The following CRIM1 variants were observed in gnomAD, a reference collection of about 807,000 sequenced individuals.
CRIM1 encodes the protein cysteine rich transmembrane BMP regulator 1, also known as cysteine-rich motor neuron 1 protein.
CRIM1 carries 32 observed loss-of-function variants against 116.4 expected under a neutral mutation model. The ratio of observed to expected loss-of-function variants is 0.27; its 90% CI spans 0.21 to 0.37. The LOEUF (loss-of-function observed/expected upper bound fraction) is 0.37, where lower values mean the gene tolerates loss of function less well. Ranked by LOEUF, CRIM1 falls within the 10% of genes least tolerant of loss-of-function variation. The probability of loss-of-function intolerance (pLI) is 1.00; values close to 1 mark genes in which losing one functional copy is unlikely to be tolerated. For missense variants in CRIM1, 1,331 were observed against 1,354.8 expected (o/e 0.98, Z 0.28); for synonymous variants, 590 against 509.2 (o/e 1.16, Z -2.13).
intron 2 of CRIM1, among the ~76,000 whole-genome samples, chr2:36,425,719 C>T (rs1674396490): frequency 6.6e-6 from 1 of 152,132 alleles, no homozygotes; most frequent in Admixed American, 6.5e-5. Context: ...GAGGTGGTGC[C>T]TTCTGATGCA....
At chr2:36,527,911 T>C (rs1301863446) in intron 13 of CRIM1, among the ~76,000 whole-genome samples, 4 of 152,072 alleles carry the variant, frequency 2.6e-5, no homozygotes, top group African/African-American at 9.7e-5. Flanking sequence ...AGAACTTCCC[T>C]TGGAGCCAGA....
intron 5 of CRIM1, among the ~76,000 whole-genome samples, chr2:36,476,305 G>A (rs1024426332): frequency 6.6e-6 from 1 of 152,024 alleles, no homozygotes; most frequent in Non-Finnish European, 1.5e-5. Context: ...TTAAACTCAG[G>A]ATAATAATAC....
chr2:36,535,892 G>A (rs910786225), intron 13 of CRIM1, among the ~76,000 whole-genome samples: 2 of 152,166 alleles, frequency 1.3e-5, no homozygotes, highest in Non-Finnish European at 2.9e-5. Flanking sequence ...ATCTAGAGAT[G>A]GCCTAAAGTA....
intron 8 of CRIM1, among the ~76,000 whole-genome samples, chr2:36,501,046 A>C (rs1417932337): frequency 6.6e-6 from 1 of 152,182 alleles, no homozygotes; most frequent in Non-Finnish European, 1.5e-5. Context: ...AAGAATTTTC[A>C]GTTGTGAATG....
rs74543230 is a variant in CRIM1 at position 36,503,178 on chromosome 2, T to C, written c.1501+3831T>C. 2.0e-5 allele frequency among the ~76,000 whole-genome samples: 3 copies of C among 152,304 alleles called. No individual in the cohort carries two copies. The East Asian group carries it at 5.8e-4, about 29-fold the overall frequency. On this transcript the variant is annotated intron_variant, in intron 8 of 16. Coordinates refer to ENST00000280527, the MANE Select transcript of CRIM1 (RefSeq NM_016441.3). ...CCTGGGTTTTGTCAGATTCTTGCGA[T>C]CGTATGCAACTCTCCTCTCAGGCTC...
intron 13 of CRIM1, among the ~76,000 whole-genome samples, chr2:36,527,538 C>T (rs1027852085): frequency 1.3e-4 from 17 of 133,892 alleles, no homozygotes; most frequent in East Asian, 2.6e-4. Context: ...ATCTTCAACT[C>T]GCAAATGATT....
chr2:36,524,251 C>T (rs994901955), intron 13 of CRIM1, among the ~76,000 whole-genome samples: 3 of 152,052 alleles, frequency 2.0e-5, no homozygotes, highest in South Asian at 2.1e-4. Flanking sequence ...CTAAGTGGAG[C>T]GAAAAATGTA....
intron 14 of CRIM1, among the ~76,000 whole-genome samples, chr2:36,539,249 T>C (rs928500292): frequency 3.3e-5 from 5 of 152,134 alleles, no homozygotes; most frequent in Non-Finnish European, 1.5e-5. Flanking sequence ...ATTGCAGTTC[T>C]CATGGGGAAC....
chr2:36,471,392 A>G (rs1196090960), intron 5 of CRIM1, among the ~76,000 whole-genome samples: 2 of 151,266 alleles, frequency 1.3e-5, no homozygotes, highest in African/African-American at 4.9e-5. Context: ...GGCAAACTTC[A>G]TTATTGTGTT....
chr2:36,425,586 G>T (rs1173581549), intron 2 of CRIM1, among the ~76,000 whole-genome samples: 7 of 152,066 alleles, frequency 4.6e-5, no homozygotes, highest in African/African-American at 1.7e-4. Flanking sequence ...ACATAATTTG[G>T]AACGGAAATT....
At chr2:36,521,373 T>C (rs370488075) in intron 12 of CRIM1, among the ~76,000 whole-genome samples, 1 of 152,156 alleles carries the variant, frequency 6.6e-6, no homozygotes, top group East Asian at 1.9e-4. Context: ...ATTTAGGTGG[T>C]TTTTGGTAGT....
At chr2:36,465,346 A>G (rs1319410660) in intron 5 of CRIM1, among the ~76,000 whole-genome samples, 2 of 152,222 alleles carry the variant, frequency 1.3e-5, no homozygotes, top group African/African-American at 4.8e-5. Flanking sequence ...AACCTGCAAC[A>G]TGCTTCTCTA....
At chr2:36,385,586 G>C (rs895916089) in intron 1 of CRIM1, among the ~76,000 whole-genome samples, 6 of 152,046 alleles carry the variant, frequency 3.9e-5, no homozygotes, top group African/African-American at 1.5e-4. Flanking sequence ...GTGGTTAAAG[G>C]ACCATCAGCA....
chr2:36,522,338 C>T (rs201032781), intron 13 of CRIM1, 25 bp downstream of exon 13: 1 of 1,528,762 alleles, frequency 6.5e-7, no homozygotes. Context: ...AAAAAAATCC[C>T]TCATCTCTAC....
At chr2:36,362,960 G>A (rs1418710774) in intron 1 of CRIM1, among the ~76,000 whole-genome samples, 2 of 152,024 alleles carry the variant, frequency 1.3e-5, no homozygotes, top group African/African-American at 2.4e-5. Flanking sequence ...CACTTTGTGG[G>A]GCTGAGGCAG....
At chr2:36,386,416 A>G (rs1671171633) in intron 1 of CRIM1, among the ~76,000 whole-genome samples, 1 of 152,184 alleles carries the variant, frequency 6.6e-6, no homozygotes, top group African/African-American at 2.4e-5. Context: ...GTTAAAATAA[A>G]ACTTGCGCTA....
At chr2:36,417,553 A>C (rs1051417309) in intron 2 of CRIM1, among the ~76,000 whole-genome samples, 1 of 152,058 alleles carries the variant, frequency 6.6e-6, no homozygotes, top group Non-Finnish European at 1.5e-5. Flanking sequence ...CTGTTATCTG[A>C]GTGTTTGGAG....
chr2:36,448,234 C>G (rs1187195820), intron 4 of CRIM1, among the ~76,000 whole-genome samples: 14 of 152,228 alleles, frequency 9.2e-5, no homozygotes, highest in Non-Finnish European at 2.1e-4. Flanking sequence ...AATAGAGATT[C>G]TCCTCTGTAA....
chr2:36,358,014 C>G (rs1266455750), intron 1 of CRIM1, among the ~76,000 whole-genome samples: 3 of 152,062 alleles, frequency 2.0e-5, no homozygotes, highest in Non-Finnish European at 4.4e-5. Context: ...TTGGACAGTT[C>G]AGGAAAATAG....
Sources: allele counts gnomAD v4.1 joint callset (sites outside exome capture counted in the v4.1 genomes callset), GRCh38; gene constraint gnomAD v4.1.1; transcripts MANE v1.5; gene names NCBI Gene and HGNC (gene_info 2026-07-23, HGNC 2026-07-21).